Variants in WWOX observed in about 807,000 individuals in gnomAD.
The protein encoded by WWOX is WW domain-containing oxidoreductase.
A neutral mutation model predicts 46.2 loss-of-function variants in WWOX; 69 were observed. That is an observed-to-expected ratio of 1.49 (90% confidence interval 1.23 to 1.82). WWOX has a LOEUF of 1.82. Ranked by LOEUF, WWOX falls within the 40% of genes most tolerant of loss-of-function variation. The pLI, the probability that WWOX is intolerant of heterozygous loss-of-function variation, is 0.00. For missense variants in WWOX, 919 were observed against 542.6 expected (o/e 1.69, Z -6.89); for synonymous variants, 359 against 202.6 (o/e 1.77, Z -6.56).
intron 8 of WWOX, among the ~76,000 whole-genome samples, chr16:78,805,275 C>G (rs575988414): frequency 6.6e-6 from 1 of 152,070 alleles, no homozygotes; most frequent in African/African-American, 2.4e-5. Context: ...TTTTTAGAGA[C>G]GGAGTCTCAC....
At chr16:79,008,058 A>T (rs1429236605) in intron 8 of WWOX, among the ~76,000 whole-genome samples, 1 of 152,192 alleles carries the variant, frequency 6.6e-6, no homozygotes, top group African/African-American at 2.4e-5. Flanking sequence ...TGAGGCTGAA[A>T]TCAAAGCGTC....
At chr16:78,338,748 A>C (rs985866541) in intron 5 of WWOX, among the ~76,000 whole-genome samples, 2 of 119,626 alleles carry the variant, frequency 1.7e-5, no homozygotes, top group African/African-American at 5.6e-5. Flanking sequence ...CCGCCTTTTT[A>C]TTTCTTCTCT....
intron 8 of WWOX, among the ~76,000 whole-genome samples, chr16:78,666,491 A>C (rs1235731988): frequency 6.6e-6 from 1 of 152,168 alleles, no homozygotes; most frequent in African/African-American, 2.4e-5. Flanking sequence ...ATTTGCCTTT[A>C]AAAAATTGTT....
intron 5 of WWOX, among the ~76,000 whole-genome samples, chr16:78,303,809 T>C (rs1196887039): frequency 2.6e-5 from 4 of 152,158 alleles, no homozygotes; most frequent in African/African-American, 9.7e-5. Context: ...CCTCCCAAAG[T>C]GCTGGGATTA....
rs939629208 is a variant in WWOX, at chr16:78,691,343, C to G, written c.1056+258591C>G. On this transcript the variant is annotated intron_variant, in intron 8 of 8. Coordinates refer to ENST00000566780, the MANE Select transcript of WWOX (RefSeq NM_016373.4). ...TACAATTATTTCATTTTCAACATAG[C>G]TTTATCTTATGACAAAGGTGACAGA... 6 of 696,268 alleles carry G rather than the reference C, an allele frequency of 8.6e-6. No individual in the cohort carries two copies. The African/African-American group carries it at 8.8e-5, about 10-fold the overall frequency. The allele number at this position is 696,268 out of a possible 1,614,324, so 43.1% of individuals were successfully genotyped here. A position where few individuals can be genotyped will look rare whatever the true frequency, so the allele number is the denominator to read the frequency against.
intron 8 of WWOX, among the ~76,000 whole-genome samples, chr16:78,622,542 TAAAAAA>T (rs35888465): frequency 1.6e-4 from 23 of 144,196 alleles, no homozygotes; most frequent in African/African-American, 5.7e-4. Flanking sequence ...AACTCCATCT[TAAAAAA>T]AAAAAAAAGT....
chr16:78,296,812 A>T (rs534676457), intron 5 of WWOX, among the ~76,000 whole-genome samples: 8 of 152,298 alleles, frequency 5.3e-5, no homozygotes, highest in Admixed American at 5.2e-4. Context: ...GAATTGATGC[A>T]CCTAAAGGAG....
chr16:78,800,265 C>G (rs540074301), intron 8 of WWOX, among the ~76,000 whole-genome samples: 2 of 151,524 alleles, frequency 1.3e-5, no homozygotes, highest in African/African-American at 2.4e-5. Context: ...AAAAGTCGAG[C>G]TTTTCAGCCA....
At chr16:79,060,276 C>G (rs1013456956) in intron 8 of WWOX, among the ~76,000 whole-genome samples, 1 of 152,206 alleles carries the variant, frequency 6.6e-6, no homozygotes, top group African/African-American at 2.4e-5. Context: ...TGCAAAAATA[C>G]TACAATGCTG....
chr16:79,068,841 TAATAATAATAATAATAA>T (rs1442269111), intron 8 of WWOX, among the ~76,000 whole-genome samples: 4 of 148,000 alleles, frequency 2.7e-5, no homozygotes, highest in African/African-American at 9.9e-5. Context: ...ATAATAATAA[TAATAATAATAATAATAA>T]TAATAAAGAA....
At chr16:78,826,145 A>G (rs188723688) in intron 8 of WWOX, 2 of 263,092 alleles carry the variant, frequency 7.6e-6, no homozygotes, top group Admixed American at 1.1e-4. Context: ...ACTTGAGGTC[A>G]AGAGTTCAAG....
chr16:78,819,993 G>A (rs1310610606), intron 8 of WWOX, among the ~76,000 whole-genome samples: 1 of 152,132 alleles, frequency 6.6e-6, no homozygotes, highest in Non-Finnish European at 1.5e-5. Flanking sequence ...TCTGTAAAAT[G>A]GGGATGGTAA....
chr16:78,314,144 C>T (rs1253544552), intron 5 of WWOX, among the ~76,000 whole-genome samples: 7 of 152,140 alleles, frequency 4.6e-5, no homozygotes, highest in South Asian at 2.1e-4. Context: ...CGATGGCTGA[C>T]GCCTGGAATC....
intron 8 of WWOX, among the ~76,000 whole-genome samples, chr16:78,710,499 TTTATATAA>T (rs2048420948): frequency 7.6e-6 from 1 of 132,072 alleles, no homozygotes; most frequent in African/African-American, 2.8e-5. Flanking sequence ...TATATATATA[TTTATATAA>T]ATATATTTTA....
At chr16:78,898,190 C>G (rs1040756020) in intron 8 of WWOX, 21 of 151,924 alleles carry the variant, frequency 1.4e-4, no homozygotes, top group Non-Finnish European at 2.5e-4. Flanking sequence ...TTGTGTAGTG[C>G]TTTCTTGTTC....
At chr16:78,331,744 G>A (rs2080763162) in intron 5 of WWOX, among the ~76,000 whole-genome samples, 1 of 152,182 alleles carries the variant, frequency 6.6e-6, no homozygotes, top group Non-Finnish European at 1.5e-5. Context: ...TGTAGACATT[G>A]GTTTGTCCAT....
intron 6 of WWOX, among the ~76,000 whole-genome samples, chr16:78,392,978 G>T (rs927916348): frequency 6.6e-6 from 1 of 152,208 alleles, no homozygotes; most frequent in South Asian, 2.1e-4. Flanking sequence ...AGCAGCGGTC[G>T]TCGGCCAGTG....
intron 8 of WWOX, chr16:78,899,353 G>T (rs985824381): frequency 6.6e-6 from 1 of 152,082 alleles, no homozygotes; most frequent in Non-Finnish European, 1.5e-5. Context: ...TGGTTAAAAG[G>T]ATTTGTTCCG....
chr16:79,013,897 G>A (rs2151378851), intron 8 of WWOX, among the ~76,000 whole-genome samples: 1 of 152,024 alleles, frequency 6.6e-6, no homozygotes, highest in South Asian at 2.1e-4. Context: ...TTTTCATTTG[G>A]TTTCCGGGTC....
Sources: gnomAD v4.1 joint callset for allele counts (sites outside exome capture counted in the v4.1 genomes callset) on GRCh38, gnomAD v4.1.1 for gene constraint, MANE v1.5 for transcripts, NCBI Gene and HGNC (gene_info 2026-07-23, HGNC 2026-07-21) for gene names.